MYO16: variants seen among roughly 807,000 people sequenced by gnomAD.
The protein encoded by MYO16 is unconventional myosin-XVI.
MYO16 carries 94 observed loss-of-function variants against 205.3 expected under a neutral mutation model. The observed-to-expected ratio is 0.46, with a 90% CI of 0.39 to 0.54. MYO16 has a LOEUF of 0.54. MYO16 is among the 20% of genes least tolerant of loss of function. The pLI is 0.00. For synonymous variants in MYO16, 988 were observed against 954.0 expected, an observed-to-expected ratio of 1.04 and a Z score of -0.66; for missense variants, 2,315 against 2,387.5, an observed-to-expected ratio of 0.97 and a Z score of 0.63.
At chr13:109,128,768 GTTTTTTTTTTTT>G (rs1172405612) in intron 31 of MYO16, among the ~76,000 whole-genome samples, 1 of 115,016 alleles carries the variant, frequency 8.7e-6, no homozygotes, top group Non-Finnish European at 1.8e-5. Context: ...CACTTTTTTA[GTTTTTTTTTTTT>G]TTTTTTTTGA....
chr13:108,533,100 A>G, the MYO16 span, among the ~76,000 whole-genome samples: 1 of 152,158 alleles, frequency 6.6e-6, no homozygotes, highest in Admixed American at 6.5e-5. Context: ...GTTACTGGTG[A>G]AACTGATTTG....
intron 20 of MYO16, among the ~76,000 whole-genome samples, chr13:108,970,900 G>T (rs1890215): frequency 9.2e-5 from 14 of 152,160 alleles, no homozygotes; most frequent in East Asian, 7.7e-4. Flanking sequence ...AGGGGCTAAA[G>T]AATGGGAAAG....
chr13:108,814,819 T>C (rs1208728446), intron 7 of MYO16, among the ~76,000 whole-genome samples: 2 of 152,168 alleles, frequency 1.3e-5, no homozygotes, highest in South Asian at 2.1e-4. Flanking sequence ...TCTCTTGGAA[T>C]GCCTGGGCAA....
intron 6 of MYO16, among the ~76,000 whole-genome samples, chr13:108,797,376 C>G (rs1256628574): frequency 6.6e-6 from 1 of 152,128 alleles, no homozygotes; most frequent in African/African-American, 2.4e-5. Flanking sequence ...GAAGTCACTA[C>G]TTGTATGCAG....
chr13:108,845,084 G>T (rs1877451482), intron 10 of MYO16, among the ~76,000 whole-genome samples: 1 of 152,070 alleles, frequency 6.6e-6, no homozygotes, highest in African/African-American at 2.4e-5. Context: ...AAATGATTTT[G>T]TATATTTCTG....
the MYO16 span, among the ~76,000 whole-genome samples, chr13:108,589,745 G>A: frequency 5.4e-4 from 82 of 152,122 alleles, 2 homozygotes; most frequent in East Asian, 0.014. Flanking sequence ...CAATCTATTT[G>A]AAAATTTAGA....
chr13:108,883,448 A>G (rs1280445424), intron 13 of MYO16, among the ~76,000 whole-genome samples: 1 of 152,180 alleles, frequency 6.6e-6, no homozygotes, highest in East Asian at 1.9e-4. Context: ...TTAGATAAAA[A>G]GTTTTTGCTT....
Position 108,724,468 on chromosome 13 carries a change from CTG to C in MYO16, c.364-2968_364-2967del, listed in dbSNP as rs1000018163. Among the ~76,000 whole-genome samples the C allele has an allele frequency of 5.4e-4, 82 of 152,166 alleles. 3 individuals are homozygous for C. The highest frequency in any genetic ancestry group is 8.8e-5 in the Non-Finnish European group (6 of 68,004). On this transcript the variant is annotated intron_variant, in intron 3 of 34. Coordinates refer to ENST00000457511, the MANE Select transcript of MYO16 (RefSeq NM_001198950.3). ...CAGTCTAATACTCCCTGCCTTTTAA[CTG>C]TGTCATTTAGAATATTTGCACTTAC...
chr13:109,155,026 G>T (rs1021814108), intron 32 of MYO16, among the ~76,000 whole-genome samples: 1 of 150,600 alleles, frequency 6.6e-6, no homozygotes, highest in African/African-American at 2.4e-5. Context: ...AAAGGATTCA[G>T]TTAGTTAAAT....
At chr13:108,602,978 C>T (rs1878820715) in intron 1 of MYO16, among the ~76,000 whole-genome samples, 1 of 152,030 alleles carries the variant, frequency 6.6e-6, no homozygotes, top group African/African-American at 2.4e-5. Context: ...CCATTTAAGC[C>T]CTGGTTAAGC....
In MYO16 at chr13:108,808,033, G is replaced by C. The variant is rs574316301; in HGVS notation, c.867+1229G>C. Among the ~76,000 whole-genome samples, 19 of 152,160 alleles carry C rather than the reference G, an allele frequency of 1.2e-4. 1 individual carries two copies. The highest frequency in any genetic ancestry group is 4.6e-4 in the African/African-American group (19 of 41,526). On this transcript the variant is annotated intron_variant, in intron 7 of 34. Coordinates refer to ENST00000457511, the MANE Select transcript of MYO16 (RefSeq NM_001198950.3). ...GAAATCAGTTTTTCCTGACTCATAA[G>C]GAGAATCTAGATATTTATTTTCCAC...
intron 2 of MYO16, among the ~76,000 whole-genome samples, chr13:108,706,977 T>G (rs1451356118): frequency 6.6e-6 from 1 of 152,194 alleles, no homozygotes; most frequent in Non-Finnish European, 1.5e-5. Context: ...TGGAACCTAA[T>G]GCAGCCTTGA....
intron 3 of MYO16, among the ~76,000 whole-genome samples, chr13:108,713,324 A>C (rs1344449695): frequency 6.6e-6 from 1 of 152,260 alleles, no homozygotes; most frequent in Admixed American, 6.5e-5. Context: ...TAGAAACTTA[A>C]TTTTGAAAAA....
chr13:109,089,597 G>A (rs960367034), intron 27 of MYO16, among the ~76,000 whole-genome samples: 2 of 152,088 alleles, frequency 1.3e-5, no homozygotes, highest in African/African-American at 4.8e-5. Context: ...TAAAACAATA[G>A]GGAGGAACAT....
At chr13:108,927,091 A>G (rs1882042191) in intron 16 of MYO16, among the ~76,000 whole-genome samples, 1 of 151,876 alleles carries the variant, frequency 6.6e-6, no homozygotes, top group Non-Finnish European at 1.5e-5. Context: ...GAGTGAACAG[A>G]GGTGAAGCCA....
At chr13:108,806,399 T>C (rs764010433) in intron 6 of MYO16, among the ~76,000 whole-genome samples, 5 of 152,168 alleles carry the variant, frequency 3.3e-5, no homozygotes, top group Non-Finnish European at 7.4e-5. Context: ...AATATTCAGA[T>C]TGCATTGAAA....
chr13:108,549,979 C>CCA, the MYO16 span, among the ~76,000 whole-genome samples: 1 of 152,250 alleles, frequency 6.6e-6, no homozygotes, highest in South Asian at 2.1e-4. Flanking sequence ...TTTCTGTCCT[C>CCA]CATGATCTGC....
rs552469745 is a variant in MYO16, at chr13:109,183,540, A to C, written c.5415+3907A>C. ...TTAATTGTTTCATTAAGCATAGGCT[A>C]TCTCTATTTATGTTACTATTTTAAC... On this transcript the variant is annotated intron_variant, in intron 34 of 34. Transcript: ENST00000457511. 3.3e-5 allele frequency among the ~76,000 whole-genome samples: 5 copies of C among 152,342 alleles called. No homozygotes were observed. In the East Asian group the frequency reaches 5.8e-4, roughly 18 times the overall value.
intron 27 of MYO16, among the ~76,000 whole-genome samples, chr13:109,073,894 T>C (rs1197891340): frequency 6.6e-6 from 1 of 152,212 alleles, no homozygotes; most frequent in Non-Finnish European, 1.5e-5. Flanking sequence ...TGAGCTACGC[T>C]GTGATTCCTG....
Sources: allele counts gnomAD v4.1 joint callset (sites outside exome capture counted in the v4.1 genomes callset), GRCh38; gene constraint gnomAD v4.1.1; transcripts MANE v1.5; gene names NCBI Gene and HGNC (gene_info 2026-07-23, HGNC 2026-07-21).